Variants in CPSF3 observed in about 807,000 individuals in gnomAD.
CPSF3 encodes cleavage and polyadenylation specificity factor subunit 3.
CPSF3 carries 57 observed loss-of-function variants against 84.1 expected under a neutral mutation model. The ratio of observed to expected loss-of-function variants is 0.68; its 90% CI spans 0.55 to 0.85. The LOEUF (loss-of-function observed/expected upper bound fraction) is 0.85. CPSF3 is among the 40% of genes least tolerant of loss of function. The pLI is 0.00. For missense variants in CPSF3, 522 were observed against 838.8 expected, an observed-to-expected ratio of 0.62 and a Z score of 4.66; for synonymous variants, 275 against 278.1, an observed-to-expected ratio of 0.99 and a Z score of 0.11.
intron 16 of CPSF3, among the ~76,000 whole-genome samples, chr2:9,471,042 T>A (rs1355654473): frequency 1.3e-5 from 2 of 152,042 alleles, no homozygotes; most frequent in African/African-American, 4.8e-5. Context: ...GGTGAAACCC[T>A]GACTCTACTA....
chr2:9,438,002 A>G (rs1401276005), intron 7 of CPSF3, among the ~76,000 whole-genome samples: 1 of 152,094 alleles, frequency 6.6e-6, no homozygotes, highest in African/African-American at 2.4e-5. Context: ...ACCCTGTCTC[A>G]AAAAAAAGCA....
intron 1 of CPSF3, 46 bp downstream of exon 1, chr2:9,423,869 G>T (rs1413922985): frequency 5.9e-5 from 94 of 1,606,050 alleles, no homozygotes; most frequent in Non-Finnish European, 7.6e-5. Flanking sequence ...GCTGTGAGGG[G>T]CGCGAGGGGT....
chr2:9,461,743 CT>C (rs530424404), intron 15 of CPSF3, among the ~76,000 whole-genome samples: 17,669 of 105,208 alleles, frequency 0.17, 1,344 homozygotes, highest in Middle Eastern at 0.27. Flanking sequence ...GAAGGAGGAT[CT>C]TTTTTTTTTT....
chr2:9,453,487 A>G (rs1047998420), intron 12 of CPSF3, among the ~76,000 whole-genome samples: 2 of 152,252 alleles, frequency 1.3e-5, no homozygotes, highest in African/African-American at 2.4e-5. Flanking sequence ...GTATTAATGT[A>G]AAGCCTAATT....
intron 15 of CPSF3, among the ~76,000 whole-genome samples, chr2:9,463,880 C>T (rs897481208): frequency 3.9e-5 from 6 of 152,222 alleles, no homozygotes; most frequent in Admixed American, 2.6e-4. Flanking sequence ...ATTGCAACAG[C>T]GACCCTGTGG....
chr2:9,424,003 C>G, intron 1 of CPSF3, 180 bp downstream of exon 1: 6 of 1,416,782 alleles, frequency 4.2e-6, no homozygotes, highest in Non-Finnish European at 5.5e-6. Flanking sequence ...TCGGAAGGGG[C>G]CTGCTATAGA....
At chr2:9,454,122 A>G (rs1681429547) in intron 12 of CPSF3, among the ~76,000 whole-genome samples, 1 of 152,134 alleles carries the variant, frequency 6.6e-6, no homozygotes, top group Admixed American at 6.5e-5. Context: ...AATAAAAAAT[A>G]GCAGTGGCCC....
At chr2:9,451,962 T>C (rs1367570514) in intron 11 of CPSF3, among the ~76,000 whole-genome samples, 1 of 152,080 alleles carries the variant, frequency 6.6e-6, no homozygotes, top group Non-Finnish European at 1.5e-5. Flanking sequence ...ATGATCCGCC[T>C]GCCTTGGCCT....
intron 10 of CPSF3, among the ~76,000 whole-genome samples, chr2:9,446,437 C>G (rs920463933): frequency 6.6e-6 from 1 of 151,828 alleles, no homozygotes; most frequent in African/African-American, 2.4e-5. Flanking sequence ...AAAAATTAGA[C>G]GGGTGTGGTG....
At chr2:9,462,902 C>T (rs1308813428) in intron 15 of CPSF3, among the ~76,000 whole-genome samples, 1 of 152,118 alleles carries the variant, frequency 6.6e-6, no homozygotes, top group Non-Finnish European at 1.5e-5. Flanking sequence ...GGCTGGGTGC[C>T]TTGTGTTTCT....
In CPSF3 at chr2:9,456,944, G is replaced by A; in HGVS notation, c.1615G>A (p.Glu539Lys). ...TGTCTTTCTTTCAGGTGATGTGGAAGAATTAGAAATTCAAGAAAAACCTGC... is the reference window on the plus strand; with the variant it reads ...TGTCTTTCTTTCAGGTGATGTGGAAAAATTAGAAATTCAAGAAAAACCTGC... ...QLQKLTGDVEELEIQEKPALK... is the reference protein window; with the variant it reads ...QLQKLTGDVEKLEIQEKPALK... Residue 539 changes from glutamate (E) to lysine (K), a missense_variant, in exon 14 of 18, where the codon GAA (glutamate) becomes AAA (lysine). Transcript: ENST00000238112. The A allele has an allele frequency of 6.3e-7, 1 of 1,583,286 alleles. No individual in the cohort carries two copies. Among genetic ancestry groups the A allele is most frequent in the Non-Finnish European group, 8.6e-7 (1 of 1,158,044 alleles).
intron 10 of CPSF3, among the ~76,000 whole-genome samples, chr2:9,443,905 T>C (rs1283768985): frequency 6.6e-6 from 1 of 152,102 alleles, no homozygotes; most frequent in Non-Finnish European, 1.5e-5. Context: ...TTTTCTGTTA[T>C]TTTCTGCTGC....
At chr2:9,456,859 C>G (rs892858826) in intron 13 of CPSF3, 74 bp from the exon 14 acceptor site, 2 of 878,834 alleles carry the variant, frequency 2.3e-6, no homozygotes, top group Admixed American at 2.7e-5. Flanking sequence ...TTAGCTGTCT[C>G]TATAAACAAA....
rs763418256 is a variant in CPSF3 at position 9,432,683 on chromosome 2, G to A, written c.514G>A (p.Val172Met). ...CATGTTCATGATTGAGATCGCAGGC[G>A]TGAAGGTACCCTCTGGCTGTGGCGC... is the stretch of plus-strand genomic sequence containing the variant. ...AAMFMIEIAG[V>M]KLLYTGDFSR... Residue 172 changes from valine (V) to methionine (M), a missense_variant, in exon 5 of 18, where the codon GTG becomes ATG. Physicochemically the swap from Val to Met is conservative, Grantham distance 21. Around this residue, in one of 2 missense-constraint regions of CPSF3, gnomAD observed 329 missense variants for 607.2 expected, o/e 0.54. Transcript: ENST00000238112. The A allele has an allele frequency of 1.3e-6, 2 of 1,514,544 alleles. No individual in the cohort carries two copies. The highest frequency in any genetic ancestry group is 2.3e-5 in the East Asian group (1 of 43,586). The allele number at this position is 1,514,544 out of a possible 1,614,324, so 93.8% of individuals were successfully genotyped here.
At chr2:9,432,438 A>C (rs1558450136) in intron 4 of CPSF3, 73 bp from the exon 5 acceptor site, 1 of 1,056,524 alleles carries the variant, frequency 9.5e-7, no homozygotes. Flanking sequence ...GTTATCCACA[A>C]TTTCTTTGTG....
At position 9,429,926 on chromosome 2, in the gene CPSF3, G is replaced by T; in HGVS notation, c.118G>T (p.Asp40Tyr). Reference sequence around the variant, plus strand: ...TCTCTTTTCCTGTTTCTTTCAGCTCGACTGTGGGATCCACCCTGGCCTAGA... The same window carrying T: ...TCTCTTTTCCTGTTTCTTTCAGCTCTACTGTGGGATCCACCCTGGCCTAGA... ...LEFKGRKIML[D>Y]CGIHPGLEGM... The change falls in exon 3 of 18, where the codon GAC (aspartate) becomes TAC (tyrosine). Residue 40 changes from aspartate (D) to tyrosine (Y), a missense_variant. Coordinates refer to ENST00000238112, the MANE Select transcript of CPSF3 (RefSeq NM_016207.4). 1 of 1,590,694 alleles carries T rather than the reference G, an allele frequency of 6.3e-7. No individual in the cohort carries two copies. The highest frequency in any genetic ancestry group is 8.5e-7 in the Non-Finnish European group (1 of 1,170,038).
At chr2:9,448,896 T>A (rs1306886424) in intron 11 of CPSF3, among the ~76,000 whole-genome samples, 1 of 152,032 alleles carries the variant, frequency 6.6e-6, no homozygotes, top group African/African-American at 2.4e-5. Context: ...AGCTCTTTAA[T>A]CCATATCCCC....
At chr2:9,436,777 T>A (rs112541513) in intron 7 of CPSF3, among the ~76,000 whole-genome samples, 9 of 113,240 alleles carry the variant, frequency 7.9e-5, no homozygotes, top group South Asian at 2.4e-4. Context: ...TCTCAAAAAA[T>A]AATAATAATA....
At chr2:9,458,385 C>A (rs1279521301) in intron 14 of CPSF3, among the ~76,000 whole-genome samples, 2 of 151,862 alleles carry the variant, frequency 1.3e-5, no homozygotes, top group African/African-American at 4.8e-5. Context: ...ACCTGAGTGA[C>A]AGAGCGAGAC....
Sources: allele counts gnomAD v4.1 joint callset (sites outside exome capture counted in the v4.1 genomes callset), GRCh38; gene constraint gnomAD v4.1.1; regional missense constraint gnomAD v4.1.1; transcripts MANE v1.5; gene names NCBI Gene and HGNC (gene_info 2026-07-23, HGNC 2026-07-21).